Variants in TTLL7 observed in about 807,000 individuals in gnomAD.
TTLL7 encodes tubulin polyglutamylase TTLL7.
Under a neutral mutation model 120.2 loss-of-function variants are expected in TTLL7, and 53 were observed. The observed-to-expected ratio is 0.44, with a 90% CI of 0.35 to 0.55. TTLL7 has a LOEUF of 0.55. Among genes scored for constraint, TTLL7 ranks in the 20% least tolerant of loss-of-function variants. The probability of loss-of-function intolerance (pLI) is 0.00; values close to 1 mark genes in which losing one functional copy is unlikely to be tolerated. For synonymous variants in TTLL7, 353 were observed against 351.7 expected (o/e 1.00, Z -0.04); for missense variants, 803 against 1,054.7 (o/e 0.76, Z 3.31).
intron 14 of TTLL7, among the ~76,000 whole-genome samples, chr1:83,915,629 A>G (rs931516660): frequency 3.3e-5 from 5 of 152,194 alleles, no homozygotes; most frequent in Admixed American, 6.5e-5. Context: ...AACAAAAGCC[A>G]AAATTGACAA....
At chr1:83,915,756 T>C (rs998714509) in intron 14 of TTLL7, among the ~76,000 whole-genome samples, 1 of 151,790 alleles carries the variant, frequency 6.6e-6, no homozygotes, top group African/African-American at 2.4e-5. Flanking sequence ...GACAAAGGGC[T>C]AATATCCAGA....
intron 1 of TTLL7, among the ~76,000 whole-genome samples, chr1:83,986,241 GTATAA>G (rs1425936947): frequency 4.6e-5 from 7 of 152,170 alleles, no homozygotes; most frequent in Non-Finnish European, 1.0e-4. Context: ...GTGTGTGTAT[GTATAA>G]TATATGTATA....
At chr1:83,880,156 TAATG>T (rs1340177916) in intron 20 of TTLL7, 1 of 152,006 alleles carries the variant, frequency 6.6e-6, no homozygotes, top group Non-Finnish European at 1.5e-5. Flanking sequence ...ATAAAAGTAT[TAATG>T]AAAGTATTAA....
At position 83,868,635 on chromosome 1, in the gene TTLL7, A is replaced by AT. The variant is rs1461949559; in HGVS notation, c.*1326dup. 6.6e-6 allele frequency: 1 copy of AT among 152,220 alleles called. No individual in the cohort carries two copies. Among genetic ancestry groups the AT allele is most frequent in the Non-Finnish European group, 1.5e-5 (1 of 68,040 alleles). 9.4% of individuals were successfully genotyped at this position (152,220 alleles called of 1,614,324 possible). A position where few individuals can be genotyped will look rare whatever the true frequency, so the allele number is the denominator to read the frequency against. On this transcript the variant is annotated 3_prime_UTR_variant, in exon 21 of 21. Coordinates refer to ENST00000260505, the MANE Select transcript of TTLL7 (RefSeq NM_024686.6). ...GTATTAGAATTTGCAATATAAGTTG[A>AT]TTTCAACCTTGAGAGATTTATAAAA...
intron 9 of TTLL7, among the ~76,000 whole-genome samples, chr1:83,931,812 TAA>T (rs1557671510): frequency 6.6e-6 from 1 of 152,328 alleles, no homozygotes; most frequent in Non-Finnish European, 1.5e-5. Context: ...TCTGGTTAAC[TAA>T]AAGTTATCAC....
Position 83,921,379 on chromosome 1 carries a change from T to C in TTLL7, c.1158A>G (p.Arg386=), listed in dbSNP as rs201978848. The change falls in exon 11 of 21, where the codon AGA becomes AGG. Residue 386 remains arginine, a synonymous_variant. Transcript: ENST00000260505. ...KLLNIRTSDK[R]RNLAKQKAEA... is the part of the protein sequence containing the mutation. ...CAGCTTTTTGTTTGGCCAAGTTTCT[T>C]CTTTTGTCACTGGTCCTAAAATATA... 9.2e-4 allele frequency: 1,482 copies of C among 1,611,308 alleles called. 23 individuals carry two copies. In the South Asian group the frequency reaches 0.015, roughly 17 times the overall value.
chr1:83,963,116 C>T (rs1376789195), intron 1 of TTLL7, among the ~76,000 whole-genome samples: 1 of 152,118 alleles, frequency 6.6e-6, no homozygotes, highest in African/African-American at 2.4e-5. Context: ...AGCACTACTT[C>T]CTCATTCTCA....
At chr1:83,878,030 T>TA (rs940227242) in intron 20 of TTLL7, among the ~76,000 whole-genome samples, 18 of 151,846 alleles carry the variant, frequency 1.2e-4, no homozygotes, top group African/African-American at 4.3e-4. Flanking sequence ...TGTTATCACT[T>TA]AGTTCAAAAT....
chr1:83,907,226 T>C (rs1425375256), intron 16 of TTLL7, among the ~76,000 whole-genome samples: 1 of 152,080 alleles, frequency 6.6e-6, no homozygotes, highest in East Asian at 1.9e-4. Flanking sequence ...GAAAATAAAA[T>C]AATGCTATTC....
intron 8 of TTLL7, among the ~76,000 whole-genome samples, chr1:83,934,057 A>G (rs951593602): frequency 3.9e-5 from 6 of 152,120 alleles, no homozygotes; most frequent in Non-Finnish European, 8.8e-5. Flanking sequence ...TCTGGCTCTT[A>G]GACATTCAGA....
chr1:83,975,989 A>G (rs1267231573), intron 1 of TTLL7, among the ~76,000 whole-genome samples: 1 of 151,144 alleles, frequency 6.6e-6, no homozygotes, highest in Non-Finnish European at 1.5e-5. Context: ...TGTAGTAAGA[A>G]ATGTATTAAC....
At position 83,868,553 on chromosome 1, in the gene TTLL7, T is replaced by C. The variant is rs963274746; in HGVS notation, c.*1409A>G. ...ACTGATGACTTGTAATATGTGATAA[T>C]TGAAATCTTCTATTCACAATCCTTT... On this transcript the variant is annotated 3_prime_UTR_variant, in exon 21 of 21. Transcript: ENST00000260505. 7.9e-5 allele frequency: 12 copies of C among 152,236 alleles called. No individual in the cohort carries two copies. Among genetic ancestry groups the C allele is most frequent in the African/African-American group, 2.2e-4 (9 of 41,460 alleles). The allele number at this position is 152,236 out of a possible 1,614,324, so 9.4% of individuals were successfully genotyped here. A position where few individuals can be genotyped will look rare whatever the true frequency, so the allele number is the denominator to read the frequency against.
intron 7 of TTLL7, among the ~76,000 whole-genome samples, chr1:83,939,857 T>C (rs1484471934): frequency 1.3e-5 from 2 of 152,160 alleles, no homozygotes; most frequent in African/African-American, 4.8e-5. Context: ...GGAAAAAATA[T>C]GTAGTAAGCT....
chr1:83,892,567 C>A (rs1655715522), intron 18 of TTLL7, among the ~76,000 whole-genome samples: 1 of 101,582 alleles, frequency 9.8e-6, no homozygotes, highest in Non-Finnish European at 2.1e-5. Context: ...AACATATGAA[C>A]ATATATATGA....
At chr1:83,976,033 CTGTGTGTGTGTGTGTGTGTGTG>C (rs34596192) in intron 1 of TTLL7, among the ~76,000 whole-genome samples, 9 of 147,834 alleles carry the variant, frequency 6.1e-5, no homozygotes, top group South Asian at 2.2e-4. Flanking sequence ...TTGTCTCTCT[CTGTGTGTGTGTGTGTGTGTGTG>C]TGTGTGTGTG....
intron 18 of TTLL7, chr1:83,900,121 G>A: frequency 2.3e-6 from 1 of 431,630 alleles, no homozygotes; most frequent in South Asian, 1.7e-5. Context: ...TGTTTAACAG[G>A]CCTTCTCACA....
At chr1:83,937,697 G>A (rs952515344) in intron 8 of TTLL7, among the ~76,000 whole-genome samples, 155 bp downstream of exon 8, 9 of 152,150 alleles carry the variant, frequency 5.9e-5, no homozygotes, top group African/African-American at 2.2e-4. Flanking sequence ...GTTAGGCAGC[G>A]TGTGGCTGTG....
chr1:83,980,865 A>T (rs1166068687), intron 1 of TTLL7: 1 of 152,182 alleles, frequency 6.6e-6, no homozygotes, highest in African/African-American at 2.4e-5. Flanking sequence ...AAAAGGACCT[A>T]AATGGAAGTA....
intron 14 of TTLL7, among the ~76,000 whole-genome samples, chr1:83,914,669 T>G (rs1437042997): frequency 6.6e-6 from 1 of 152,138 alleles, no homozygotes; most frequent in Non-Finnish European, 1.5e-5. Flanking sequence ...TACTCATTTT[T>G]CAAGATCCAG....
Sources: gnomAD v4.1 joint callset for allele counts (sites outside exome capture counted in the v4.1 genomes callset) on GRCh38, gnomAD v4.1.1 for gene constraint, MANE v1.5 for transcripts, NCBI Gene and HGNC (gene_info 2026-07-23, HGNC 2026-07-21) for gene names.